The following ATP6V1G3 variants were observed in gnomAD, a reference collection of about 807,000 sequenced individuals.
ATP6V1G3 encodes the protein ATPase H+ transporting V1 subunit G3.
A neutral mutation model predicts 9.3 loss-of-function variants in ATP6V1G3; 9 were observed. The ratio of observed to expected loss-of-function variants is 0.97; its 90% CI spans 0.59 to 1.69. The LOEUF (loss-of-function observed/expected upper bound fraction) is 1.69, where lower values mean the gene tolerates loss of function less well. Among genes scored for constraint, ATP6V1G3 ranks in the 40% most tolerant of loss-of-function variants. The probability of loss-of-function intolerance (pLI) is 0.00; values close to 1 mark genes in which losing one functional copy is unlikely to be tolerated. For missense variants in ATP6V1G3, 133 were observed against 139.0 expected (o/e 0.96, Z 0.22); for synonymous variants, 43 against 43.8 (o/e 0.98, Z 0.07).
At chr1:198,527,992 A>G (rs999666416) in intron 2 of ATP6V1G3, among the ~76,000 whole-genome samples, 27 of 152,118 alleles carry the variant, frequency 1.8e-4, no homozygotes, top group Non-Finnish European at 1.5e-4. Context: ...TGAAGGCCTC[A>G]TGGTAGGGGC....
rs1285990970 is a variant in ATP6V1G3, at chr1:198,529,063, G to T, written c.183+18C>A. On this transcript the variant is annotated intron_variant, in intron 2 of 2. Coordinates refer to ENST00000367382, the MANE Select transcript of ATP6V1G3 (RefSeq NM_001376861.1). ...TTATCTATTCTGCATAAGAAACAGT[G>T]CTGACTTTCTTACTCACCTTAGATT... is the stretch of plus-strand genomic sequence containing the variant. 5 of 1,238,294 alleles carry T rather than the reference G, an allele frequency of 4.0e-6. No individual in the cohort carries two copies. Among genetic ancestry groups the T allele is most frequent in the Non-Finnish European group, 1.2e-6 (1 of 863,098 alleles). 76.7% of individuals were successfully genotyped at this position (1,238,294 alleles called of 1,614,324 possible). A position where few individuals can be genotyped will look rare whatever the true frequency, so the allele number is the denominator to read the frequency against.
At chr1:198,536,280 G>T (rs1385673851) in intron 1 of ATP6V1G3, among the ~76,000 whole-genome samples, 3 of 152,116 alleles carry the variant, frequency 2.0e-5, no homozygotes, top group Non-Finnish European at 4.4e-5. Context: ...CTTAAAAAAG[G>T]TCATGACTAA....
chr1:198,533,925 G>A (rs1045733954), intron 1 of ATP6V1G3, among the ~76,000 whole-genome samples: 4 of 152,202 alleles, frequency 2.6e-5, no homozygotes, highest in African/African-American at 9.6e-5. Context: ...CTGGTGATCT[G>A]GGCAAGAGGA....
At chr1:198,527,118 G>A (rs184530523) in intron 2 of ATP6V1G3, among the ~76,000 whole-genome samples, 2 of 152,288 alleles carry the variant, frequency 1.3e-5, no homozygotes, top group East Asian at 3.9e-4. Flanking sequence ...GCACACAGGA[G>A]GCTGGTTTCT....
At chr1:198,536,008 T>G (rs112013784) in intron 1 of ATP6V1G3, among the ~76,000 whole-genome samples, 87 of 152,154 alleles carry the variant, frequency 5.7e-4, no homozygotes, top group African/African-American at 2.0e-3. Flanking sequence ...CATTTTTTTT[T>G]GCTATTTCTT....
intron 1 of ATP6V1G3, among the ~76,000 whole-genome samples, chr1:198,534,606 G>A (rs920957675): frequency 6.6e-6 from 1 of 152,118 alleles, no homozygotes; most frequent in Admixed American, 6.5e-5. Flanking sequence ...GTTGAGCATT[G>A]GAGACAAAGC....
intron 2 of ATP6V1G3, among the ~76,000 whole-genome samples, chr1:198,528,611 A>G (rs1485162269): frequency 6.6e-6 from 1 of 152,128 alleles, no homozygotes; most frequent in Non-Finnish European, 1.5e-5. Flanking sequence ...TGCAAAGGAA[A>G]TCATCAGGAA....
chr1:198,526,495 T>G (rs1266442346), intron 2 of ATP6V1G3, among the ~76,000 whole-genome samples: 1 of 152,198 alleles, frequency 6.6e-6, no homozygotes, highest in Admixed American at 6.6e-5. Flanking sequence ...TTCTGTAACA[T>G]GTCATGATAC....
chr1:198,532,655 A>T (rs1243646143), intron 1 of ATP6V1G3, among the ~76,000 whole-genome samples: 1 of 152,192 alleles, frequency 6.6e-6, no homozygotes, highest in Non-Finnish European at 1.5e-5. Flanking sequence ...GGCCTCTCAG[A>T]TGAAACAATA....
intron 1 of ATP6V1G3, among the ~76,000 whole-genome samples, chr1:198,536,126 C>T (rs1324395038): frequency 6.6e-6 from 1 of 151,982 alleles, no homozygotes; most frequent in Non-Finnish European, 1.5e-5. Flanking sequence ...GGAGAGTATG[C>T]CATGTATGTT....
intron 1 of ATP6V1G3, chr1:198,536,536 T>A: frequency 1.7e-6 from 1 of 593,052 alleles, no homozygotes; most frequent in Non-Finnish European, 3.0e-6. Context: ...TTTAAAGTAG[T>A]GCAAACTACT....
At chr1:198,529,224 A>G (rs2103133982) in intron 1 of ATP6V1G3, 43 bp from the exon 2 acceptor site, 1 of 412,372 alleles carries the variant, frequency 2.4e-6, no homozygotes, top group South Asian at 8.4e-5. Flanking sequence ...ATAATTATAT[A>G]TATCAATATA....
chr1:198,523,505 T>C lies in ATP6V1G3; in HGVS notation c.243A>G (p.Ile81Met). 1 of 1,613,714 alleles carries C rather than the reference T, an allele frequency of 6.2e-7. No individual in the cohort carries two copies. Among genetic ancestry groups the C allele is most frequent in the South Asian group, 1.1e-5 (1 of 91,074 alleles). Residue 81 changes from isoleucine (I) to methionine (M), a missense_variant, in exon 3 of 3, where the codon ATA becomes ATG. Coordinates refer to ENST00000367382, the MANE Select transcript of ATP6V1G3 (RefSeq NM_001376861.1). ...TATTGTAGTGTCCATTAAGTTCTTG[T>C]ATCTTCCCTAGTGTTTGTTCTTCTA... is the stretch of plus-strand genomic sequence containing the variant. Reference protein sequence around the residue: ...DEIEEQTLGKIQELNGHYNKY... With the variant: ...DEIEEQTLGKMQELNGHYNKY...
Position 198,540,674 on chromosome 1 carries a change from C to G in ATP6V1G3, c.-24G>C. ...ATGGTAGTCTGCTCCAAGCAAGTGG[C>G]TTCTGTGAAATCTGGGAAGTAATGG... On this transcript the variant is annotated 5_prime_UTR_variant, in exon 1 of 3. Coordinates refer to ENST00000367382, the MANE Select transcript of ATP6V1G3 (RefSeq NM_001376861.1). 1 of 1,604,690 alleles carries G rather than the reference C, an allele frequency of 6.2e-7. No homozygotes were observed. Among genetic ancestry groups the G allele is most frequent in the Non-Finnish European group, 8.5e-7 (1 of 1,171,450 alleles).
chr1:198,523,232 T>C lies in ATP6V1G3; in HGVS notation c.*159A>G, dbSNP rs1417442261. 1 of 683,674 alleles carries C rather than the reference T, an allele frequency of 1.5e-6. No homozygotes were observed. The highest frequency in any genetic ancestry group is 2.4e-6 in the Non-Finnish European group (1 of 416,140). 42.4% of individuals were successfully genotyped at this position (683,674 alleles called of 1,614,324 possible). ...AAGATATAGCAACAGTTGTATTTTG[T>C]TTTGTTTAATTCAGTGCCGATGTAT... On this transcript the variant is annotated 3_prime_UTR_variant, in exon 3 of 3. Transcript: ENST00000367382.
chr1:198,524,169 G>A (rs1659565168), intron 2 of ATP6V1G3, among the ~76,000 whole-genome samples: 2 of 150,296 alleles, frequency 1.3e-5, no homozygotes, highest in African/African-American at 4.9e-5. Flanking sequence ...GTGTCGCCCA[G>A]GCTGGAGTGC....
intron 1 of ATP6V1G3, among the ~76,000 whole-genome samples, chr1:198,539,044 C>T (rs945708272): frequency 8.5e-5 from 13 of 152,142 alleles, no homozygotes; most frequent in African/African-American, 3.1e-4. Flanking sequence ...TTCCACACTT[C>T]GTTGTAGAAA....
At chr1:198,528,278 T>A (rs1037044492) in intron 2 of ATP6V1G3, among the ~76,000 whole-genome samples, 2 of 152,158 alleles carry the variant, frequency 1.3e-5, no homozygotes, top group Non-Finnish European at 2.9e-5. Context: ...CATGAACTCC[T>A]TATCCATTAC....
At chr1:198,530,531 C>T (rs771222145) in intron 1 of ATP6V1G3, among the ~76,000 whole-genome samples, 1 of 152,186 alleles carries the variant, frequency 6.6e-6, no homozygotes, top group Non-Finnish European at 1.5e-5. Context: ...AGTCCTCATT[C>T]AGAACAGATA....
Sources: allele counts gnomAD v4.1 joint callset (sites outside exome capture counted in the v4.1 genomes callset), GRCh38; gene constraint gnomAD v4.1.1; transcripts MANE v1.5; gene names NCBI Gene and HGNC (gene_info 2026-07-23, HGNC 2026-07-21).